Variants in PLXDC2 observed in about 807,000 individuals in gnomAD.
PLXDC2 encodes the protein plexin domain containing 2, also known as plexin domain-containing protein 2.
Under a neutral mutation model 68.9 loss-of-function variants are expected in PLXDC2, and 40 were observed. The ratio of observed to expected loss-of-function variants is 0.58; its 90% CI spans 0.45 to 0.76. The LOEUF (loss-of-function observed/expected upper bound fraction) is 0.76. Among genes scored for constraint, PLXDC2 ranks in the 30% least tolerant of loss-of-function variants. The probability of loss-of-function intolerance (pLI) is 0.00; values close to 1 mark genes in which losing one functional copy is unlikely to be tolerated. For missense variants in PLXDC2, 644 were observed against 661.9 expected (o/e 0.97, Z 0.30); for synonymous variants, 243 against 234.2 (o/e 1.04, Z -0.34).
intron 1 of PLXDC2, among the ~76,000 whole-genome samples, chr10:19,998,075 A>C (rs1589577250): frequency 6.6e-6 from 1 of 152,208 alleles, no homozygotes; most frequent in Non-Finnish European, 1.5e-5. Flanking sequence ...ATTAACATAC[A>C]GTAGACCGAA....
intron 12 of PLXDC2, among the ~76,000 whole-genome samples, chr10:20,223,167 C>G (rs367596645): frequency 6.6e-6 from 1 of 152,028 alleles, no homozygotes; most frequent in African/African-American, 2.4e-5. Flanking sequence ...ATTATTTATT[C>G]TTTATAGACA....
intron 4 of PLXDC2, among the ~76,000 whole-genome samples, chr10:20,139,750 A>G (rs1193572934): frequency 6.6e-6 from 1 of 151,710 alleles, no homozygotes; most frequent in Non-Finnish European, 1.5e-5. Flanking sequence ...AAACTAATAC[A>G]GGAACAGAAA....
chr10:19,960,054 G>C (rs1214326784), intron 1 of PLXDC2, among the ~76,000 whole-genome samples: 1 of 151,996 alleles, frequency 6.6e-6, no homozygotes, highest in Non-Finnish European at 1.5e-5. Flanking sequence ...ATCTGGAGAA[G>C]GGGTTTAAAT....
At chr10:19,881,939 T>C (rs1471000812) in intron 1 of PLXDC2, among the ~76,000 whole-genome samples, 1 of 152,232 alleles carries the variant, frequency 6.6e-6, no homozygotes, top group Non-Finnish European at 1.5e-5. Flanking sequence ...ATGCCTAGCT[T>C]ATCTTAATTT....
intron 1 of PLXDC2, among the ~76,000 whole-genome samples, chr10:19,818,557 T>C (rs1198683590): frequency 6.6e-6 from 1 of 152,094 alleles, no homozygotes; most frequent in Non-Finnish European, 1.5e-5. Context: ...AGGGAGGCAA[T>C]AGGATGACAA....
chr10:19,832,796 G>GTT (rs2131310729), intron 1 of PLXDC2, among the ~76,000 whole-genome samples: 1 of 152,340 alleles, frequency 6.6e-6, no homozygotes. Flanking sequence ...GTCCCGCGGA[G>GTT]GTGTGTGTGG....
intron 1 of PLXDC2, among the ~76,000 whole-genome samples, chr10:19,897,827 A>G (rs141252165): frequency 6.6e-6 from 1 of 152,164 alleles, no homozygotes; most frequent in Non-Finnish European, 1.5e-5. Context: ...GTGGGATTAT[A>G]TATGATAATT....
intron 6 of PLXDC2, among the ~76,000 whole-genome samples, chr10:20,150,397 T>C (rs1834137041): frequency 1.3e-5 from 2 of 152,204 alleles, no homozygotes; most frequent in Non-Finnish European, 2.9e-5. Context: ...TATACACTGC[T>C]GGTGGGAGTG....
At chr10:20,259,950 C>T (rs1835788917) in intron 13 of PLXDC2, among the ~76,000 whole-genome samples, 1 of 151,990 alleles carries the variant, frequency 6.6e-6, no homozygotes, top group Admixed American at 6.6e-5. Flanking sequence ...GAAGAAGATT[C>T]CTATAAAAGC....
Position 20,258,373 on chromosome 10 carries a change from G to T in PLXDC2, c.1473+12868G>T, listed in dbSNP as rs143573767. ...CTACTCTGAGAGCTTTGGGTATATA[G>T]CATGTAAGCTCCAGTTACACAAAAT... On this transcript the variant is annotated intron_variant, in intron 13 of 13. Transcript: ENST00000377252. Among the ~76,000 whole-genome samples, 1,266 of 152,096 alleles carry T rather than the reference G, an allele frequency of 8.3e-3. 6 individuals carry two copies. Among genetic ancestry groups the T allele is most frequent in the Non-Finnish European group, 0.012 (795 of 67,990 alleles).
chr10:19,824,053 G>A (rs1465732956), intron 1 of PLXDC2, among the ~76,000 whole-genome samples: 1 of 152,094 alleles, frequency 6.6e-6, no homozygotes, highest in East Asian at 1.9e-4. Flanking sequence ...CTGTTACAGG[G>A]AAGCAGATGA....
At chr10:20,267,492 A>G (rs1835886111) in intron 13 of PLXDC2, among the ~76,000 whole-genome samples, 1 of 152,146 alleles carries the variant, frequency 6.6e-6, no homozygotes, top group Non-Finnish European at 1.5e-5. Flanking sequence ...ATTCTGGTCA[A>G]TCCTGAACCA....
At chr10:20,013,413 A>G (rs1184092877) in intron 2 of PLXDC2, among the ~76,000 whole-genome samples, 1 of 152,150 alleles carries the variant, frequency 6.6e-6, no homozygotes, top group Admixed American at 6.6e-5. Flanking sequence ...AGGATTTTTT[A>G]CCTAAAAATA....
At chr10:20,046,356 G>T (rs1353280142) in intron 2 of PLXDC2, among the ~76,000 whole-genome samples, 1 of 151,814 alleles carries the variant, frequency 6.6e-6, no homozygotes, top group African/African-American at 2.4e-5. Context: ...TCAAAACTTA[G>T]AAGGAAATAT....
chr10:20,100,765 A>G (rs1200200653), intron 4 of PLXDC2, among the ~76,000 whole-genome samples: 2 of 152,150 alleles, frequency 1.3e-5, no homozygotes, highest in African/African-American at 4.8e-5. Flanking sequence ...TTCTCTGTTC[A>G]ATCAGGTGAT....
chr10:20,114,901 C>A (rs911359205), intron 4 of PLXDC2, among the ~76,000 whole-genome samples: 25 of 152,126 alleles, frequency 1.6e-4, no homozygotes, highest in Non-Finnish European at 3.2e-4. Flanking sequence ...CACTTGAAAC[C>A]CAATGTATGA....
chr10:20,184,012 T>G lies in PLXDC2; in HGVS notation c.1061+6603T>G, dbSNP rs552847074. Among the ~76,000 whole-genome samples the G allele has an allele frequency of 7.3e-5, 11 of 150,400 alleles. No individual in the cohort carries two copies. The South Asian group carries it at 2.3e-3, about 32-fold the overall frequency. On this transcript the variant is annotated intron_variant, in intron 9 of 13. Transcript: ENST00000377252. ...ACATATAAATAAAAGTATTCCATGA[T>G]TCCATCCATTAAAAGAATAAACAGA...
intron 4 of PLXDC2, among the ~76,000 whole-genome samples, chr10:20,134,357 C>G (rs965982257): frequency 6.6e-6 from 1 of 152,164 alleles, no homozygotes; most frequent in Non-Finnish European, 1.5e-5. Flanking sequence ...TCTTTATGTA[C>G]TGATGTTGAC....
chr10:19,833,306 C>T (rs1050324088), intron 1 of PLXDC2, among the ~76,000 whole-genome samples: 1 of 152,116 alleles, frequency 6.6e-6, no homozygotes, highest in African/African-American at 2.4e-5. Flanking sequence ...CTTTGATGGC[C>T]GTGGGAACAG....
Sources: gnomAD v4.1 joint callset for allele counts (sites outside exome capture counted in the v4.1 genomes callset) on GRCh38, gnomAD v4.1.1 for gene constraint, MANE v1.5 for transcripts, NCBI Gene and HGNC (gene_info 2026-07-23, HGNC 2026-07-21) for gene names.